The following MCTP1 variants were observed in gnomAD, a reference collection of about 807,000 sequenced individuals.
The protein encoded by MCTP1 is multiple C2 and transmembrane domain-containing protein 1.
A neutral mutation model predicts 120.6 loss-of-function variants in MCTP1; 69 were observed. That is an observed-to-expected ratio of 0.57 (90% confidence interval 0.47 to 0.70). The LOEUF (loss-of-function observed/expected upper bound fraction) is 0.70, where lower values mean the gene tolerates loss of function less well. Ranked by LOEUF, MCTP1 falls within the 30% of genes least tolerant of loss-of-function variation. MCTP1 has a pLI of 0.00. For synonymous variants in MCTP1, 529 were observed against 493.1 expected, an observed-to-expected ratio of 1.07 and a Z score of -0.96; for missense variants, 1,203 against 1,248.8, an observed-to-expected ratio of 0.96 and a Z score of 0.55.
chr5:95,119,802 A>G (rs557990303), intron 1 of MCTP1, among the ~76,000 whole-genome samples: 24 of 152,334 alleles, frequency 1.6e-4, no homozygotes, highest in Non-Finnish European at 2.6e-4. Flanking sequence ...CGTAAAACCT[A>G]TTAAGATTGA....
At chr5:95,185,736 G>A (rs1025975738) in intron 1 of MCTP1, among the ~76,000 whole-genome samples, 15 of 151,878 alleles carry the variant, frequency 9.9e-5, no homozygotes, top group Middle Eastern at 3.2e-3. Flanking sequence ...GGTGGTTCAC[G>A]CCTGTAATCC....
intron 1 of MCTP1, among the ~76,000 whole-genome samples, chr5:95,101,401 T>C (rs550200350): frequency 6.6e-6 from 1 of 152,352 alleles, no homozygotes; most frequent in East Asian, 1.9e-4. Context: ...GTTGGTTCCA[T>C]TGAGTGAAGA....
intron 1 of MCTP1, among the ~76,000 whole-genome samples, chr5:95,257,796 T>TACACACACACACAC (rs369408591): frequency 3.4e-4 from 43 of 125,416 alleles, no homozygotes; most frequent in South Asian, 3.0e-3. Flanking sequence ...CCAGAAAACA[T>TACACACACACACAC]ACACACACAC....
At chr5:95,097,174 G>A (rs1309060477) in intron 1 of MCTP1, among the ~76,000 whole-genome samples, 2 of 152,016 alleles carry the variant, frequency 1.3e-5, no homozygotes, top group Non-Finnish European at 2.9e-5. Flanking sequence ...CAATGTTAAT[G>A]TATTCATGTT....
chr5:95,193,399 C>G (rs907281198), intron 1 of MCTP1, among the ~76,000 whole-genome samples: 1 of 152,156 alleles, frequency 6.6e-6, no homozygotes, highest in Admixed American at 6.5e-5. Flanking sequence ...TAGATTATCT[C>G]ATTCAAGCTT....
intron 2 of MCTP1, among the ~76,000 whole-genome samples, chr5:95,010,221 A>G (rs1835653067): frequency 6.6e-6 from 1 of 152,010 alleles, no homozygotes; most frequent in Non-Finnish European, 1.5e-5. Flanking sequence ...AAACCTTAAT[A>G]GTTATTTTTT....
intron 1 of MCTP1, among the ~76,000 whole-genome samples, chr5:95,132,204 C>A (rs980034076): frequency 2.6e-5 from 4 of 152,192 alleles, no homozygotes; most frequent in Non-Finnish European, 4.4e-5. Context: ...AAGGGAGCCC[C>A]AGTAACATTC....
chr5:95,282,794 A>G (rs2152747880), intron 1 of MCTP1, among the ~76,000 whole-genome samples: 1 of 152,360 alleles, frequency 6.6e-6, no homozygotes, highest in South Asian at 2.1e-4. Context: ...TCCATGAACT[A>G]TAAAAACTTC....
intron 19 of MCTP1, among the ~76,000 whole-genome samples, chr5:94,750,066 T>G (rs1767929124): frequency 6.6e-6 from 1 of 152,226 alleles, no homozygotes; most frequent in Non-Finnish European, 1.5e-5. Context: ...AGAGAAGAAC[T>G]TGCTGAATGA....
Position 94,736,012 on chromosome 5 carries a change from C to T in MCTP1, c.2611-21126G>A, listed in dbSNP as rs533630131. Among the ~76,000 whole-genome samples, 65 of 152,314 alleles carry T rather than the reference C, an allele frequency of 4.3e-4. No individual in the cohort carries two copies. The Middle Eastern group carries it at 0.017, about 40-fold the overall frequency. On this transcript the variant is annotated intron_variant, in intron 19 of 22. Transcript: ENST00000515393. ...CAACCCACTACCCCTGGTTTTGGAC[C>T]TTGCTAACCATTATGTATGTCCATG...
At position 94,797,605 on chromosome 5, in the gene MCTP1, G is replaced by A. The variant is rs150646764; in HGVS notation, c.2556+1408C>T. ...AATCCTTGCCAATAATACTAATAAC[G>A]TCTTGTCTATTGGTGCTGCCTAACC... On this transcript the variant is annotated intron_variant, in intron 18 of 22. Coordinates refer to ENST00000515393, the MANE Select transcript of MCTP1 (RefSeq NM_024717.7). Among the ~76,000 whole-genome samples the A allele has an allele frequency of 1.6e-3, 249 of 152,158 alleles. 1 individual carries two copies. The highest frequency in any genetic ancestry group is 5.8e-3 in the African/African-American group (241 of 41,528).
At chr5:95,262,306 T>G (rs565229580) in intron 1 of MCTP1, among the ~76,000 whole-genome samples, 1 of 152,308 alleles carries the variant, frequency 6.6e-6, no homozygotes, top group East Asian at 1.9e-4. Context: ...ACATAGTTCA[T>G]TTCAAGCGTG....
chr5:94,787,854 A>G (rs1038777180), intron 18 of MCTP1, among the ~76,000 whole-genome samples: 19 of 152,114 alleles, frequency 1.2e-4, no homozygotes, highest in Admixed American at 1.1e-3. Flanking sequence ...TTAACATGTT[A>G]TGTTAATTGT....
chr5:95,038,608 T>C (rs1342230388), intron 1 of MCTP1, among the ~76,000 whole-genome samples: 1 of 152,128 alleles, frequency 6.6e-6, no homozygotes, highest in African/African-American at 2.4e-5. Context: ...AACTACATCA[T>C]GGAAGGCATA....
At chr5:94,834,347 A>G (rs1227619646) in intron 17 of MCTP1, among the ~76,000 whole-genome samples, 1 of 152,190 alleles carries the variant, frequency 6.6e-6, no homozygotes, top group Non-Finnish European at 1.5e-5. Context: ...ATCACTCTAC[A>G]TAACTAGCTG....
Position 95,073,319 on chromosome 5 carries a change from C to T in MCTP1, c.721-55835G>A, listed in dbSNP as rs533238200. Among the ~76,000 whole-genome samples, 3 of 152,288 alleles carry T rather than the reference C, an allele frequency of 2.0e-5. No individual in the cohort carries two copies. The South Asian group carries it at 6.2e-4, about 32-fold the overall frequency. On this transcript the variant is annotated intron_variant, in intron 1 of 22. Transcript: ENST00000515393. ...CCTCATTAGATTTCTCTCATCCAGA[C>T]TCATGGCTCAACTTCTCTTTGCTGC... is the stretch of plus-strand genomic sequence containing the variant.
intron 1 of MCTP1, among the ~76,000 whole-genome samples, chr5:95,175,788 C>A (rs1385369674): frequency 6.6e-6 from 1 of 152,166 alleles, no homozygotes; most frequent in African/African-American, 2.4e-5. Flanking sequence ...CCCACTCACA[C>A]CTGCCAGGAT....
At chr5:94,837,756 G>A (rs1790142313) in intron 17 of MCTP1, among the ~76,000 whole-genome samples, 1 of 152,156 alleles carries the variant, frequency 6.6e-6, no homozygotes, top group Non-Finnish European at 1.5e-5. Context: ...ATGAGAGACG[G>A]GGGCGCTGGT....
chr5:94,923,035 C>T (rs1163703121), intron 7 of MCTP1, among the ~76,000 whole-genome samples: 1 of 145,822 alleles, frequency 6.9e-6, no homozygotes, highest in Non-Finnish European at 1.5e-5. Flanking sequence ...CATGTGCATT[C>T]GAGCTGGTAA....
Sources: gnomAD v4.1 joint callset for allele counts (sites outside exome capture counted in the v4.1 genomes callset) on GRCh38, gnomAD v4.1.1 for gene constraint, MANE v1.5 for transcripts, NCBI Gene and HGNC (gene_info 2026-07-23, HGNC 2026-07-21) for gene names.